LMBR1: variants seen among roughly 807,000 people sequenced by gnomAD.
The protein encoded by LMBR1 is limb development membrane protein 1, also known as limb region 1 protein homolog.
A neutral mutation model predicts 73.9 loss-of-function variants in LMBR1; 52 were observed. The observed-to-expected ratio is 0.70, with a 90% confidence interval of 0.56 to 0.89. LMBR1 has a LOEUF of 0.89. Among genes scored for constraint, LMBR1 ranks in the 40% least tolerant of loss-of-function variants. The probability of loss-of-function intolerance (pLI) is 0.00; values close to 1 mark genes in which losing one functional copy is unlikely to be tolerated. For missense variants in LMBR1, 539 were observed against 579.8 expected, an observed-to-expected ratio of 0.93 and a Z score of 0.72; for synonymous variants, 215 against 209.4, an observed-to-expected ratio of 1.03 and a Z score of -0.23.
At chr7:156,759,434 C>T (rs1822553503) in intron 8 of LMBR1, among the ~76,000 whole-genome samples, 1 of 152,184 alleles carries the variant, frequency 6.6e-6, no homozygotes, top group South Asian at 2.1e-4. Flanking sequence ...TCATAGATCT[C>T]TGATCTTGTA....
intron 2 of LMBR1, among the ~76,000 whole-genome samples, chr7:156,834,226 T>C (rs901808344): frequency 6.6e-6 from 1 of 152,182 alleles, no homozygotes; most frequent in African/African-American, 2.4e-5. Context: ...GAATTTGTCA[T>C]TAATAATAGT....
At chr7:156,863,272 G>A (rs1395791483) in intron 1 of LMBR1, among the ~76,000 whole-genome samples, 2 of 152,108 alleles carry the variant, frequency 1.3e-5, no homozygotes, top group Non-Finnish European at 2.9e-5. Context: ...TACAATGTCC[G>A]AGGGCAGGAA....
chr7:156,686,783 T>C (rs1215755523), intron 16 of LMBR1, among the ~76,000 whole-genome samples: 1 of 152,268 alleles, frequency 6.6e-6, no homozygotes, highest in Non-Finnish European at 1.5e-5. Context: ...AGTGGAAATT[T>C]ATCTGAAACC....
intron 5 of LMBR1, among the ~76,000 whole-genome samples, chr7:156,794,210 G>C (rs1829707706): frequency 6.6e-6 from 1 of 152,172 alleles, no homozygotes; most frequent in Non-Finnish European, 1.5e-5. Flanking sequence ...CACAGCTGGT[G>C]ACCCTCGAGT....
At chr7:156,798,451 C>G (rs751381848) in intron 4 of LMBR1, among the ~76,000 whole-genome samples, 2 of 152,108 alleles carry the variant, frequency 1.3e-5, no homozygotes, top group Non-Finnish European at 2.9e-5. Context: ...TGTCCAGGAA[C>G]AATCTCTTCC....
At chr7:156,833,852 T>A in intron 2 of LMBR1, 60 bp from the exon 3 acceptor site, 1 of 1,068,120 alleles carries the variant, frequency 9.4e-7, no homozygotes, top group South Asian at 1.4e-5. Context: ...CGTCATTAAT[T>A]TATTAAAACT....
At chr7:156,722,673 C>T (rs1365265726) in intron 15 of LMBR1, among the ~76,000 whole-genome samples, 1 of 152,092 alleles carries the variant, frequency 6.6e-6, no homozygotes, top group Non-Finnish European at 1.5e-5. Context: ...ACAGCTGGGT[C>T]CAGGCATTTG....
chr7:156,683,963 G>T lies in LMBR1; in HGVS notation c.*115C>A. 1.2e-6 allele frequency: 1 copy of T among 805,236 alleles called. No homozygotes were observed. Among genetic ancestry groups the T allele is most frequent in the Non-Finnish European group, 2.1e-6 (1 of 481,518 alleles). 49.9% of individuals were successfully genotyped at this position (805,236 alleles called of 1,614,324 possible). ...TATGAAAAAAAAATGGCACTGATAG[G>T]TCTAGGTTCTGAAGAGGGGCCACGG... On this transcript the variant is annotated 3_prime_UTR_variant, in exon 17 of 17. Coordinates refer to ENST00000353442, the MANE Select transcript of LMBR1 (RefSeq NM_022458.4).
intron 9 of LMBR1, among the ~76,000 whole-genome samples, chr7:156,752,029 T>C (rs970805149): frequency 2.6e-5 from 4 of 151,996 alleles, no homozygotes; most frequent in Non-Finnish European, 5.9e-5. Flanking sequence ...ACTTTCCAGG[T>C]GAAGAAGTTA....
intron 2 of LMBR1, chr7:156,834,527 CAGG>C (rs1837255693): frequency 6.3e-6 from 2 of 316,918 alleles, no homozygotes; most frequent in African/African-American, 4.5e-5. Context: ...CACTTGAGCC[CAGG>C]AGGTCGAGGC....
At chr7:156,738,201 T>G (rs1044663075) in intron 9 of LMBR1, among the ~76,000 whole-genome samples, 1 of 151,992 alleles carries the variant, frequency 6.6e-6, no homozygotes, top group East Asian at 1.9e-4. Context: ...ATGGGGGACA[T>G]AGAATTGCAC....
At chr7:156,769,802 T>C (rs1378402549) in intron 5 of LMBR1, among the ~76,000 whole-genome samples, 1 of 152,138 alleles carries the variant, frequency 6.6e-6, no homozygotes, top group East Asian at 1.9e-4. Flanking sequence ...GAATCCACTG[T>C]TTTCACAGCA....
At chr7:156,714,954 C>CTTTTTTT (rs58088822) in intron 15 of LMBR1, among the ~76,000 whole-genome samples, 30 of 142,006 alleles carry the variant, frequency 2.1e-4, no homozygotes, top group African/African-American at 7.0e-4. Context: ...ATACTTTTTT[C>CTTTTTTT]TTTTTTTTTT....
intron 5 of LMBR1, among the ~76,000 whole-genome samples, chr7:156,775,561 C>G (rs1180014364): frequency 6.6e-6 from 1 of 152,036 alleles, no homozygotes; most frequent in African/African-American, 2.4e-5. Context: ...ATAATATAAC[C>G]TCACTGCATA....
Position 156,683,857 on chromosome 7 carries a change from T to C in LMBR1, c.*221A>G. 2.0e-6 allele frequency: 1 copy of C among 503,686 alleles called. No individual in the cohort carries two copies. The highest frequency in any genetic ancestry group is 3.5e-6 in the Non-Finnish European group (1 of 286,082). 31.2% of individuals were successfully genotyped at this position (503,686 alleles called of 1,614,324 possible). ...CGCTGTTCTATATGTCTGTAAGGAATCTGCACTTAACTGGAAACTACAGGG... is the reference window on the plus strand; with the variant it reads ...CGCTGTTCTATATGTCTGTAAGGAACCTGCACTTAACTGGAAACTACAGGG... On this transcript the variant is annotated 3_prime_UTR_variant, in exon 17 of 17. Coordinates refer to ENST00000353442, the MANE Select transcript of LMBR1 (RefSeq NM_022458.4).
At chr7:156,872,264 G>A (rs926924201) in intron 1 of LMBR1, 1 of 151,918 alleles carries the variant, frequency 6.6e-6, no homozygotes, top group Admixed American at 6.6e-5. Flanking sequence ...TAAAGTTGCA[G>A]GATAGAAAAA....
intron 3 of LMBR1, among the ~76,000 whole-genome samples, chr7:156,833,079 G>C (rs947230793): frequency 2.0e-5 from 3 of 152,204 alleles, no homozygotes; most frequent in Non-Finnish European, 2.9e-5. Flanking sequence ...AGGAAATGAA[G>C]CATCAGATGA....
chr7:156,788,391 A>T (rs1019832777), intron 5 of LMBR1, among the ~76,000 whole-genome samples: 4 of 152,326 alleles, frequency 2.6e-5, no homozygotes, highest in Admixed American at 1.3e-4. Context: ...GTATTTAAAC[A>T]TCAGTGTACC....
intron 3 of LMBR1, among the ~76,000 whole-genome samples, chr7:156,830,979 T>C (rs573890860): frequency 1.4e-4 from 21 of 152,182 alleles, no homozygotes; most frequent in Non-Finnish European, 2.5e-4. Context: ...ACATTAAATA[T>C]GTAAATGTAT....
Sources: gnomAD v4.1 joint callset for allele counts (sites outside exome capture counted in the v4.1 genomes callset) on GRCh38, gnomAD v4.1.1 for gene constraint, MANE v1.5 for transcripts, NCBI Gene and HGNC (gene_info 2026-07-23, HGNC 2026-07-21) for gene names.